LMX1B: variants seen among roughly 807,000 people sequenced by gnomAD.
LMX1B encodes the protein LIM homeobox transcription factor 1 beta, also known as LIM homeobox transcription factor 1-beta.
In LMX1B, 12 loss-of-function variants were observed where a neutral mutation model predicts 51.4. The ratio of observed to expected loss-of-function variants is 0.23; its 90% CI spans 0.15 to 0.38. LMX1B has a LOEUF of 0.38. Among genes scored for constraint, LMX1B ranks in the 10% least tolerant of loss-of-function variants. The pLI is 1.00. For missense variants in LMX1B, 445 were observed against 571.1 expected, an observed-to-expected ratio of 0.78 and a Z score of 2.25; for synonymous variants, 237 against 235.4, an observed-to-expected ratio of 1.01 and a Z score of -0.06.
chr9:126,666,668 C>CT (rs1248989907), intron 2 of LMX1B, among the ~76,000 whole-genome samples: 1 of 152,224 alleles, frequency 6.6e-6, no homozygotes, highest in Non-Finnish European at 1.5e-5. Context: ...TGATAACACA[C>CT]TGGGTAGTCA....
At chr9:126,617,363 G>T (rs550483510) in intron 2 of LMX1B, among the ~76,000 whole-genome samples, 21 of 151,768 alleles carry the variant, frequency 1.4e-4, no homozygotes, top group Admixed American at 2.0e-4. Context: ...AACTAAAACC[G>T]GCCTCCAAAT....
chr9:126,632,820 G>A (rs990853649), intron 2 of LMX1B, among the ~76,000 whole-genome samples: 26 of 152,216 alleles, frequency 1.7e-4, no homozygotes, highest in African/African-American at 5.5e-4. Context: ...TGGAAGAGCC[G>A]GCTTGACCTG....
chr9:126,621,336 C>T (rs2118837934), intron 2 of LMX1B, among the ~76,000 whole-genome samples: 1 of 152,302 alleles, frequency 6.6e-6, no homozygotes, highest in East Asian at 1.9e-4. Flanking sequence ...TCTGGCTGAC[C>T]CAGCCGGAAG....
Position 126,618,429 on chromosome 9 carries a change from C to G in LMX1B, c.326+2860C>G, listed in dbSNP as rs1481656134. Among the ~76,000 whole-genome samples the G allele has an allele frequency of 6.6e-6, 1 of 152,214 alleles. No individual in the cohort carries two copies. The highest frequency in any genetic ancestry group is 1.5e-5 in the Non-Finnish European group (1 of 68,044). On this transcript the variant is annotated intron_variant, in intron 2 of 7. Transcript: ENST00000373474. The surrounding 1 kb of genome is among the most constrained non-coding windows in gnomAD (Gnocchi z 4.5). ...ATTTGATAAAAATCCTCTTGTACAT[C>G]CTTGGCGGGCAGAGCAGAGCGCCGG...
chr9:126,645,018 C>T (rs188631067), intron 2 of LMX1B, among the ~76,000 whole-genome samples: 15 of 152,288 alleles, frequency 9.8e-5, no homozygotes, highest in Non-Finnish European at 1.5e-5. Context: ...TGGAGACACT[C>T]GGCTCCCCTG....
At chr9:126,692,564 C>T (rs966006135) in intron 3 of LMX1B, among the ~76,000 whole-genome samples, 3 of 152,214 alleles carry the variant, frequency 2.0e-5, no homozygotes, top group Admixed American at 6.5e-5. Flanking sequence ...TGTGAATACG[C>T]CTGTGAGTTG....
chr9:126,649,958 T>G lies in LMX1B; in HGVS notation c.326+34389T>G, dbSNP rs149487622. ...CCACTGGTGCAAGCACAACAAATTT[T>G]GTACTGTTCTCAAACATCAGTTCCA... On this transcript the variant is annotated intron_variant, in intron 2 of 7. Coordinates refer to ENST00000373474, the MANE Select transcript of LMX1B (RefSeq NM_001174147.2). Among the ~76,000 whole-genome samples, 1,038 of 152,328 alleles carry G rather than the reference T, an allele frequency of 6.8e-3. 4 individuals carry two copies. The highest frequency in any genetic ancestry group is 0.011 in the Non-Finnish European group (745 of 68,026).
chr9:126,623,789 C>T (rs764932755), intron 2 of LMX1B, among the ~76,000 whole-genome samples: 2 of 152,222 alleles, frequency 1.3e-5, no homozygotes, highest in Non-Finnish European at 2.9e-5. Context: ...AGGGCCAGCC[C>T]TGGCCAGCGG....
intron 2 of LMX1B, among the ~76,000 whole-genome samples, chr9:126,617,836 C>G (rs1006362497): frequency 1.4e-5 from 2 of 145,106 alleles, no homozygotes; most frequent in Admixed American, 7.2e-5. Context: ...GTTCATTCCT[C>G]CACCCTCATT....
intron 2 of LMX1B, among the ~76,000 whole-genome samples, chr9:126,634,316 AG>A (rs1220001500): frequency 2.0e-5 from 3 of 152,278 alleles, no homozygotes; most frequent in South Asian, 4.1e-4. Flanking sequence ...CGCCATGGAG[AG>A]GCCTCACCGG....
intron 2 of LMX1B, among the ~76,000 whole-genome samples, chr9:126,653,526 TAG>T (rs1164940828): frequency 6.6e-6 from 1 of 152,142 alleles, no homozygotes; most frequent in Non-Finnish European, 1.5e-5. Flanking sequence ...TTGCAAAAAA[TAG>T]AGAGGTCCCT....
At chr9:126,678,970 A>T (rs759425100) in intron 2 of LMX1B, among the ~76,000 whole-genome samples, 1 of 152,254 alleles carries the variant, frequency 6.6e-6, no homozygotes, top group Non-Finnish European at 1.5e-5. Flanking sequence ...TATGTGCAGC[A>T]GTCCAAAATC....
chr9:126,662,289 G>A (rs995197116), intron 2 of LMX1B, among the ~76,000 whole-genome samples: 1 of 152,162 alleles, frequency 6.6e-6, no homozygotes, highest in Non-Finnish European at 1.5e-5. Flanking sequence ...CATGAGCCTG[G>A]GGCAAGTGAC....
intron 2 of LMX1B, among the ~76,000 whole-genome samples, chr9:126,666,599 C>T (rs1292816549): frequency 3.9e-5 from 6 of 152,156 alleles, no homozygotes; most frequent in African/African-American, 1.4e-4. Flanking sequence ...ACCTCACTGG[C>T]GCCATTCTAT....
At chr9:126,638,345 T>A (rs1048303209) in intron 2 of LMX1B, among the ~76,000 whole-genome samples, 3 of 151,984 alleles carry the variant, frequency 2.0e-5, no homozygotes, top group South Asian at 4.2e-4. Flanking sequence ...CGACGGGGCC[T>A]CCAGGGCTCC....
At chr9:126,616,948 T>C (rs943465604) in intron 2 of LMX1B, among the ~76,000 whole-genome samples, 1 of 152,158 alleles carries the variant, frequency 6.6e-6, no homozygotes, top group Admixed American at 6.5e-5. Flanking sequence ...TGGAGTCCAT[T>C]CAGAGGTTCA....
At chr9:126,643,786 T>C (rs1004457124) in intron 2 of LMX1B, among the ~76,000 whole-genome samples, 2 of 152,110 alleles carry the variant, frequency 1.3e-5, no homozygotes, top group Non-Finnish European at 2.9e-5. Context: ...GCTTCTGGGG[T>C]CTTGAAAAGG....
intron 2 of LMX1B, among the ~76,000 whole-genome samples, chr9:126,674,860 A>G (rs79250739): frequency 0.015 from 2,301 of 152,218 alleles, 56 homozygotes; most frequent in African/African-American, 0.052. Flanking sequence ...CTCCCCACAA[A>G]TGATCTTTAA....
rs1043263417 is a variant in LMX1B at position 126,699,343 on chromosome 9, G to A, written c.*2892G>A. 1 of 152,246 alleles carries A rather than the reference G, an allele frequency of 6.6e-6. No homozygotes were observed. The highest frequency in any genetic ancestry group is 1.5e-5 in the Non-Finnish European group (1 of 68,062). The allele number at this position is 152,246 out of a possible 1,614,324, so 9.4% of individuals were successfully genotyped here. A position where few individuals can be genotyped will look rare whatever the true frequency, so the allele number is the denominator to read the frequency against. ...CCTCCAGGTCAGGGGGTCACAACTT[G>A]TTCTTAGTAAACTTGCCAGCTGTTG... On this transcript the variant is annotated 3_prime_UTR_variant, in exon 8 of 8. Coordinates refer to ENST00000373474, the MANE Select transcript of LMX1B (RefSeq NM_001174147.2).
Sources: gnomAD v4.1 joint callset for allele counts (sites outside exome capture counted in the v4.1 genomes callset) on GRCh38, gnomAD v4.1.1 for gene constraint, Gnocchi (gnomAD v3.1) non-coding constraint, MANE v1.5 for transcripts, NCBI Gene and HGNC (gene_info 2026-07-23, HGNC 2026-07-21) for gene names.